Variants in GNPTG observed in about 807,000 individuals in gnomAD.
The protein encoded by GNPTG is N-acetylglucosamine-1-phosphotransferase subunit gamma.
GNPTG carries 46 observed loss-of-function variants against 43.8 expected under a neutral mutation model. That is an observed-to-expected ratio of 1.05 (90% CI 0.83 to 1.34). The LOEUF is 1.34. Among genes scored for constraint, GNPTG ranks in the 40% most tolerant of loss-of-function variants. The probability of loss-of-function intolerance (pLI) is 0.00; values close to 1 mark genes in which losing one functional copy is unlikely to be tolerated. For synonymous variants in GNPTG, 250 were observed against 172.8 expected, an observed-to-expected ratio of 1.45 and a Z score of -3.50; for missense variants, 549 against 411.3, an observed-to-expected ratio of 1.33 and a Z score of -2.90.
At chr16:1,354,875 G>C (rs2034747388) in intron 3 of GNPTG, among the ~76,000 whole-genome samples, 1 of 152,108 alleles carries the variant, frequency 6.6e-6, no homozygotes, top group Non-Finnish European at 1.5e-5. Flanking sequence ...CGTCTGTAGG[G>C]CTGGGCGTGG....
chr16:1,362,184 C>T, intron 6 of GNPTG, 22 bp from the exon 7 acceptor site: 1 of 1,613,416 alleles, frequency 6.2e-7, no homozygotes, highest in Non-Finnish European at 8.5e-7. Context: ...CCCCAACCCA[C>T]CTACCCACGT....
chr16:1,352,548 C>T (rs2034703613), intron 3 of GNPTG: 1 of 555,310 alleles, frequency 1.8e-6, no homozygotes, highest in South Asian at 2.1e-5. Context: ...AGTCTGGTGA[C>T]TTTGCAGACG....
At chr16:1,353,145 G>A (rs994455087) in intron 3 of GNPTG, among the ~76,000 whole-genome samples, 13 of 151,958 alleles carry the variant, frequency 8.6e-5, no homozygotes, top group Non-Finnish European at 1.9e-4. Context: ...GCAAATTTTT[G>A]TATTTTTAGT....
rs1327639728 is a variant in GNPTG at position 1,363,451 on chromosome 16, C to T, written c.*360C>T. 4 of 344,566 alleles carry T rather than the reference C, an allele frequency of 1.2e-5. No individual in the cohort carries two copies. The highest frequency in any genetic ancestry group is 2.3e-5 in the South Asian group (1 of 43,518). The allele number at this position is 344,566 out of a possible 1,614,324, so 21.3% of individuals were successfully genotyped here. On this transcript the variant is annotated 3_prime_UTR_variant, in exon 11 of 11. Transcript: ENST00000204679. The stretch of plus-strand genomic sequence containing the variant: ...GAAATTAATCCACTTGAGGCGTCCA[C>T]GCGGAACAAGGTCTGCTGACCACAG...
At chr16:1,360,615 CTG>C (rs2034852908) in intron 3 of GNPTG, 1 of 152,196 alleles carries the variant, frequency 6.6e-6, no homozygotes, top group South Asian at 2.1e-4. Context: ...CAGAGTGAGA[CTG>C]TCTCCAAAAG....
chr16:1,355,077 G>A (rs886730798), intron 3 of GNPTG, among the ~76,000 whole-genome samples: 1 of 152,148 alleles, frequency 6.6e-6, no homozygotes, highest in Non-Finnish European at 1.5e-5. Context: ...GCGGGGTCGG[G>A]TGTGGATGGT....
rs1011942737 is a variant in GNPTG at position 1,363,052 on chromosome 16, G to A, written c.879G>A (p.Glu293=). 1 of 1,614,014 alleles carries A rather than the reference G, an allele frequency of 6.2e-7. No homozygotes were observed. The highest frequency in any genetic ancestry group is 1.1e-5 in the South Asian group (1 of 91,028). Residue 293 remains glutamate (E), a synonymous_variant, in exon 11 of 11, where the codon GAG becomes GAA. Transcript: ENST00000204679. ...AGACGCCCAGAGCCAAGTCTCCAGA[G>A]CAGCTGCGGGGTGACCCAGGACTGC... ...GHETPRAKSP[E]QLRGDPGLRG... is the part of the protein sequence containing the mutation.
At chr16:1,352,939 A>G (rs975245797) in intron 3 of GNPTG, among the ~76,000 whole-genome samples, 5 of 149,614 alleles carry the variant, frequency 3.3e-5, no homozygotes, top group African/African-American at 1.2e-4. Context: ...CTGAATGAGT[A>G]TTAAATATAA....
intron 3 of GNPTG, among the ~76,000 whole-genome samples, chr16:1,352,889 G>A (rs2034709226): frequency 6.6e-6 from 1 of 151,940 alleles, no homozygotes; most frequent in Non-Finnish European, 1.5e-5. Context: ...GATTCCAGAA[G>A]TGGAATTGGT....
intron 3 of GNPTG, among the ~76,000 whole-genome samples, chr16:1,354,254 T>G (rs559620789): frequency 6.6e-6 from 1 of 152,182 alleles, no homozygotes; most frequent in African/African-American, 2.4e-5. Context: ...CCTTGGCTAA[T>G]GGGACCACGT....
Position 1,362,061 on chromosome 16 carries a change from CCAA to C in GNPTG, c.347_349del (p.Asn116del), listed in dbSNP as rs193302849. 81 of 1,612,434 alleles carry C rather than the reference CCAA, an allele frequency of 5.0e-5. No individual in the cohort carries two copies. Among genetic ancestry groups the C allele is most frequent in the Admixed American group, 1.5e-4 (9 of 59,916 alleles). ...AGCATCTGGCACGAGTGGGAGATCG[CCAA>C]CAACACCTTCACGGGCATGTGGATG... is the stretch of plus-strand genomic sequence containing the variant. On this transcript the variant is annotated inframe_deletion, in exon 6 of 11. Transcript: ENST00000204679.
chr16:1,356,267 C>T (rs898105822), intron 3 of GNPTG, among the ~76,000 whole-genome samples: 1 of 152,134 alleles, frequency 6.6e-6, no homozygotes. Context: ...GCCAAGGGCA[C>T]CGGCGAGTGT....
chr16:1,362,323 A>G lies in GNPTG; in HGVS notation c.526+3A>G. The G allele has an allele frequency of 2.5e-6, 4 of 1,612,408 alleles. No individual in the cohort carries two copies. In the South Asian group the frequency reaches 4.4e-5, roughly 18 times the overall value. On this transcript the variant is annotated splice_donor_region_variant and intron_variant, in intron 7 of 10. Coordinates refer to ENST00000204679, the MANE Select transcript of GNPTG (RefSeq NM_032520.5). ...CTGCCACCCCCACGCCTTGCTAGGTAGGGGTGCGGGACGCAGTTGAGCCCA... is the reference window on the plus strand; with the variant it reads ...CTGCCACCCCCACGCCTTGCTAGGTGGGGGTGCGGGACGCAGTTGAGCCCA...
At chr16:1,361,982 A>G in intron 5 of GNPTG, 27 bp downstream of exon 5, 1 of 1,613,332 alleles carries the variant, frequency 6.2e-7, no homozygotes, top group Non-Finnish European at 8.5e-7. Context: ...CAGGGATCCC[A>G]AAGCAGCAGC....
At chr16:1,356,376 G>T (rs1431099058) in intron 3 of GNPTG, among the ~76,000 whole-genome samples, 3 of 152,282 alleles carry the variant, frequency 2.0e-5, no homozygotes, top group South Asian at 4.1e-4. Flanking sequence ...GCATTTGGGG[G>T]TGGTGGTATT....
At chr16:1,356,393 T>C (rs2034776562) in intron 3 of GNPTG, among the ~76,000 whole-genome samples, 2 of 151,792 alleles carry the variant, frequency 1.3e-5, no homozygotes, top group Non-Finnish European at 1.5e-5. Flanking sequence ...TATTTGGGGG[T>C]AGAGACTCCC....
At position 1,363,920 on chromosome 16, in the gene GNPTG, G is replaced by A. The variant is rs57557311; in HGVS notation, c.*829G>A. 1.3e-5 allele frequency: 2 copies of A among 152,296 alleles called. No homozygotes were observed. Among genetic ancestry groups the A allele is most frequent in the Admixed American group, 6.5e-5 (1 of 15,286 alleles). The allele number at this position is 152,296 out of a possible 1,614,324, so 9.4% of individuals were successfully genotyped here. On this transcript the variant is annotated 3_prime_UTR_variant, in exon 11 of 11. Transcript: ENST00000204679. Reference sequence around the variant, plus strand: ...TCTACCACCCCGGAAGCTGAGCCCTGGAGACACCCTGAGGGGCGGGCGCCA... The same window carrying A: ...TCTACCACCCCGGAAGCTGAGCCCTAGAGACACCCTGAGGGGCGGGCGCCA...
chr16:1,352,275 C>G lies in GNPTG; in HGVS notation c.147C>G (p.Leu49=), dbSNP rs552514133. 13 of 1,548,456 alleles carry G rather than the reference C, an allele frequency of 8.4e-6. No individual in the cohort carries two copies. In the African/African-American group the frequency reaches 9.6e-5, roughly 11 times the overall value. The change falls in exon 3 of 11, where the codon CTC becomes CTG. Residue 49 remains leucine, a synonymous_variant. Transcript: ENST00000204679. ...NNPFLPQASR[L]QAKRDPSPVS... ...CGTTCTTGCCTCAGGCCAGTCGCCT[C>G]CAGGCCAAGAGGGATCCTTCACCCG... is the stretch of plus-strand genomic sequence containing the variant.
In GNPTG at chr16:1,362,626, C is replaced by G. The variant is rs1277141503; in HGVS notation, c.625C>G (p.Leu209Val). The change falls in exon 9 of 11, where the codon CTG becomes GTG. Residue 209 changes from leucine (L) to valine (V), a missense_variant. Transcript: ENST00000204679. ...LITPQGHEKL[L>V]RTLFEDAGYL... Reference sequence around the variant, plus strand: ...CCACCTTCAGGGCCATGAGAAGTTGCTGAGGACACTTTTTGAGGATGCTGG... The same window carrying G: ...CCACCTTCAGGGCCATGAGAAGTTGGTGAGGACACTTTTTGAGGATGCTGG... The G allele has an allele frequency of 6.2e-7, 1 of 1,614,066 alleles. No individual in the cohort carries two copies. The highest frequency in any genetic ancestry group is 8.5e-7 in the Non-Finnish European group (1 of 1,180,036).
Sources: gnomAD v4.1 joint callset for allele counts (sites outside exome capture counted in the v4.1 genomes callset) on GRCh38, gnomAD v4.1.1 for gene constraint, MANE v1.5 for transcripts, NCBI Gene and HGNC (gene_info 2026-07-23, HGNC 2026-07-21) for gene names.